The following ZNF454 variants were observed in gnomAD, a reference collection of about 807,000 sequenced individuals.
ZNF454 encodes zinc finger protein 454.
Under a neutral mutation model 48.2 loss-of-function variants are expected in ZNF454, and 30 were observed. The ratio of observed to expected loss-of-function variants is 0.62; its 90% CI spans 0.47 to 0.84. The LOEUF (loss-of-function observed/expected upper bound fraction) is 0.84. Ranked by LOEUF, ZNF454 falls within the 40% of genes least tolerant of loss-of-function variation. The probability of loss-of-function intolerance (pLI) is 0.00; values close to 1 mark genes in which losing one functional copy is unlikely to be tolerated. For missense variants in ZNF454, 510 were observed against 623.1 expected, an observed-to-expected ratio of 0.82 and a Z score of 1.93; for synonymous variants, 204 against 211.4, an observed-to-expected ratio of 0.97 and a Z score of 0.30.
In ZNF454 at chr5:178,941,398, G is replaced by T. The variant is rs1359994171; in HGVS notation, c.-154G>T. 1.3e-5 allele frequency: 6 copies of T among 456,536 alleles called. No individual in the cohort carries two copies. In the East Asian group the frequency reaches 2.8e-4, roughly 21 times the overall value. The allele number at this position is 456,536 out of a possible 1,614,324, so 28.3% of individuals were successfully genotyped here. On this transcript the variant is annotated 5_prime_UTR_variant, in exon 1 of 5. Transcript: ENST00000519564. This position sits in a 1 kb window ranked among gnomAD's most constrained non-coding sequence, Gnocchi z 5.5. ...GCAAAGCCGAGGAGGTGCGGGTTGT[G>T]GTCCATTCTGGAGGACGCTGATCGA...
chr5:178,969,835 T>C (rs989811505), downstream of ZNF454: 7 of 344,710 alleles, frequency 2.0e-5, no homozygotes, highest in African/African-American at 1.5e-4. Flanking sequence ...TATGGGCTTC[T>C]GGGAACAGCC....
At chr5:178,970,458 T>C (rs933260285), downstream of ZNF454, among the ~76,000 whole-genome samples, 3 of 152,238 alleles carry the variant, frequency 2.0e-5, no homozygotes, top group Non-Finnish European at 2.9e-5. Flanking sequence ...TCGGCGGTGC[T>C]GATGGTCCTT....
rs1759101023 is a variant in ZNF454, at chr5:178,941,818, C to A, written c.-108+374C>A. Among the ~76,000 whole-genome samples the A allele has an allele frequency of 6.6e-6, 1 of 152,152 alleles. No individual in the cohort carries two copies. The highest frequency in any genetic ancestry group is 1.5e-5 in the Non-Finnish European group (1 of 68,038). On this transcript the variant is annotated intron_variant, in intron 1 of 4. Transcript: ENST00000519564. The surrounding 1 kb of genome is among the most constrained non-coding windows in gnomAD (Gnocchi z 5.5). Reference sequence around the variant, plus strand: ...TCTGCCCACCCGTGACTCCAGGCCACCCAGACTGGGCCCCAGAGAGTGAGA... The same window carrying A: ...TCTGCCCACCCGTGACTCCAGGCCAACCAGACTGGGCCCCAGAGAGTGAGA...
At chr5:178,989,201 CCCCCTCCCCA>C in the ZNF454 span, 1 of 1,051,514 alleles carries the variant, frequency 9.5e-7, no homozygotes, top group Non-Finnish European at 1.4e-6. Flanking sequence ...CTCCCGCCTT[CCCCCTCCCCA>C]CCCTCACCAC....
At chr5:178,953,557 C>T (rs1360151361) in intron 4 of ZNF454, among the ~76,000 whole-genome samples, 10 of 152,176 alleles carry the variant, frequency 6.6e-5, no homozygotes, top group Admixed American at 3.9e-4. Context: ...TGTCTTCTTT[C>T]GTGGTTTGCT....
chr5:178,942,663 T>C (rs753945195), intron 1 of ZNF454, 22 bp from the exon 2 acceptor site: 1 of 1,040,184 alleles, frequency 9.6e-7, no homozygotes. Context: ...TGAGAGCTTT[T>C]GACCCAGTTC....
chr5:178,985,404 TAA>T, the ZNF454 span: 3,821 of 314,814 alleles, frequency 0.012, no homozygotes, highest in South Asian at 0.019. Flanking sequence ...CCTGTGGCCT[TAA>T]AAAAAAAAAA....
chr5:178,946,460 G>A lies in ZNF454; in HGVS notation c.135G>A (p.Glu45=), dbSNP rs1759340716. 2 of 1,602,538 alleles carry A rather than the reference G, an allele frequency of 1.2e-6. No individual in the cohort carries two copies. The highest frequency in any genetic ancestry group is 1.8e-5 in the Admixed American group (1 of 55,048). The change falls in exon 3 of 5, where the codon GAG becomes GAA. Residue 45 remains glutamate, a synonymous_variant. Transcript: ENST00000519564. The surrounding 1 kb of genome is among the most constrained non-coding windows in gnomAD (Gnocchi z 4.5). ...QRALYRDVML[E]NYSNLVSLGL... ...CCCTGTACAGGGACGTGATGCTGGA[G>A]AACTACAGCAACCTGGTCTCACTGG...
At chr5:178,985,122 G>A in the ZNF454 span, 2 of 326,248 alleles carry the variant, frequency 6.1e-6, no homozygotes, top group East Asian at 1.1e-4. Flanking sequence ...GTTGGACCCT[G>A]TGCCTCTCAT....
At chr5:178,954,846 A>G (rs987138088) in intron 4 of ZNF454, among the ~76,000 whole-genome samples, 1 of 152,278 alleles carries the variant, frequency 6.6e-6, no homozygotes, top group South Asian at 2.1e-4. Flanking sequence ...CTTTACTGGC[A>G]TGATGTCTTT....
chr5:178,986,526 C>T, the ZNF454 span: 1 of 1,608,684 alleles, frequency 6.2e-7, no homozygotes, highest in Non-Finnish European at 8.5e-7. Context: ...TCAGGCGCAC[C>T]ACAGGTGTGG....
intron 4 of ZNF454, among the ~76,000 whole-genome samples, chr5:178,949,398 A>G (rs2113206534): frequency 6.6e-6 from 1 of 151,892 alleles, no homozygotes; most frequent in Admixed American, 6.6e-5. Context: ...TCTGGACTTC[A>G]ATCCTCCTAC....
rs1436407789 is a variant in ZNF454 at position 178,946,807 on chromosome 5, C to A, written c.161-90C>A. 41 of 1,232,170 alleles carry A rather than the reference C, an allele frequency of 3.3e-5. No homozygotes were observed. The highest frequency in any genetic ancestry group is 4.2e-5 in the Non-Finnish European group (36 of 858,400). The allele number at this position is 1,232,170 out of a possible 1,614,324, so 76.3% of individuals were successfully genotyped here. A position where few individuals can be genotyped will look rare whatever the true frequency, so the allele number is the denominator to read the frequency against. On this transcript the variant is annotated intron_variant, in intron 3 of 4. Transcript: ENST00000519564. This position sits in a 1 kb window ranked among gnomAD's most constrained non-coding sequence, Gnocchi z 4.5. ...TTTCCTATCAAGTCCCATTTCCCAG[C>A]AAGCTCTGAGGACCAGGCTTTGTCT...
In ZNF454 at chr5:178,941,811, C is replaced by A. The variant is rs915241423; in HGVS notation, c.-108+367C>A. Reference sequence around the variant, plus strand: ...CGCCGCTTCTGCCCACCCGTGACTCCAGGCCACCCAGACTGGGCCCCAGAG... The same window carrying A: ...CGCCGCTTCTGCCCACCCGTGACTCAAGGCCACCCAGACTGGGCCCCAGAG... On this transcript the variant is annotated intron_variant, in intron 1 of 4. Coordinates refer to ENST00000519564, the MANE Select transcript of ZNF454 (RefSeq NM_001178089.3). The surrounding 1 kb of genome is among the most constrained non-coding windows in gnomAD (Gnocchi z 5.5). Among the ~76,000 whole-genome samples the A allele has an allele frequency of 2.6e-5, 4 of 152,284 alleles. No homozygotes were observed. The East Asian group carries it at 5.8e-4, about 22-fold the overall frequency.
At chr5:178,971,018 C>T (rs1760226699), downstream of ZNF454, among the ~76,000 whole-genome samples, 1 of 152,234 alleles carries the variant, frequency 6.6e-6, no homozygotes, top group Non-Finnish European at 1.5e-5. Flanking sequence ...TGTGAGGCCA[C>T]GCCTGGCACC....
chr5:178,977,691 C>A, the ZNF454 span, among the ~76,000 whole-genome samples: 1 of 151,978 alleles, frequency 6.6e-6, no homozygotes, highest in South Asian at 2.1e-4. Flanking sequence ...AGCCTCAGCC[C>A]CCCGAGTAAC....
chr5:178,986,218 AAGATGCGGT>A, the ZNF454 span: 1 of 1,614,164 alleles, frequency 6.2e-7, no homozygotes, highest in Non-Finnish European at 8.5e-7. Context: ...GCCCTGCTCA[AAGATGCGGT>A]AGATACGGTT....
downstream of ZNF454, chr5:178,968,601 T>C (rs1427246720): frequency 2.8e-6 from 1 of 355,290 alleles, no homozygotes; most frequent in East Asian, 7.4e-5. Flanking sequence ...CAGAAGTTCA[T>C]CTGCAGCTTC....
At chr5:178,982,993 T>C in the ZNF454 span, 7 of 1,614,052 alleles carry the variant, frequency 4.3e-6, no homozygotes. Flanking sequence ...GTGAAGCCGA[T>C]GGGCTTGGCC....
Sources: allele counts gnomAD v4.1 joint callset (sites outside exome capture counted in the v4.1 genomes callset), GRCh38; gene constraint gnomAD v4.1.1; non-coding constraint Gnocchi (gnomAD v3.1); transcripts MANE v1.5; gene names NCBI Gene and HGNC (gene_info 2026-07-23, HGNC 2026-07-21).